The following ROBO2 variants were observed in gnomAD, a reference collection of about 807,000 sequenced individuals.
ROBO2 encodes the protein roundabout homolog 2.
Under a neutral mutation model 160.8 loss-of-function variants are expected in ROBO2, and 53 were observed. That is an observed-to-expected ratio of 0.33 (90% CI 0.26 to 0.41). ROBO2 has a LOEUF of 0.41. Ranked by LOEUF, ROBO2 falls within the 10% of genes least tolerant of loss-of-function variation. The probability of loss-of-function intolerance (pLI) is 1.00; values close to 1 mark genes in which losing one functional copy is unlikely to be tolerated. For synonymous variants in ROBO2, 664 were observed against 611.7 expected, an observed-to-expected ratio of 1.09 and a Z score of -1.26; for missense variants, 1,577 against 1,722.4, an observed-to-expected ratio of 0.92 and a Z score of 1.49.
chr3:77,271,074 G>A (rs1374013848), intron 2 of ROBO2, among the ~76,000 whole-genome samples: 6 of 151,738 alleles, frequency 4.0e-5, no homozygotes, highest in Admixed American at 1.3e-4. Context: ...TTATTCATGA[G>A]GATTTCCACA....
intron 2 of ROBO2, among the ~76,000 whole-genome samples, chr3:76,996,776 C>G (rs1329349791): frequency 6.6e-6 from 1 of 152,106 alleles, no homozygotes; most frequent in Non-Finnish European, 1.5e-5. Context: ...ACAAAGTAAA[C>G]TAGTCCTTCC....
intron 2 of ROBO2, among the ~76,000 whole-genome samples, chr3:76,899,663 GA>G (rs1297648619): frequency 6.6e-6 from 1 of 152,002 alleles, no homozygotes; most frequent in East Asian, 1.9e-4. Flanking sequence ...AATACCTCTT[GA>G]GTGTCTGACA....
At chr3:76,211,380 T>C (rs890854939) in intron 2 of ROBO2, among the ~76,000 whole-genome samples, 9 of 152,090 alleles carry the variant, frequency 5.9e-5, no homozygotes, top group Non-Finnish European at 1.0e-4. Context: ...CCTGGAATTT[T>C]AGAAAAAAGA....
In ROBO2 at chr3:76,397,573, C is replaced by T. The variant is rs569032084; in HGVS notation, c.109+459971C>T. Among the ~76,000 whole-genome samples the T allele has an allele frequency of 3.9e-3, 599 of 151,932 alleles. 4 individuals carry two copies. The highest frequency in any genetic ancestry group is 0.014 in the African/African-American group (570 of 41,440). On this transcript the variant is annotated intron_variant, in intron 2 of 26. Transcript: ENST00000487694. The stretch of plus-strand genomic sequence containing the variant: ...TGGGAGAAAATTTTCGCAACCTACT[C>T]ATCTGACAAAGGGCTAATATCCAGA...
chr3:76,536,617 T>C (rs2082519615), intron 2 of ROBO2, among the ~76,000 whole-genome samples: 1 of 152,074 alleles, frequency 6.6e-6, no homozygotes, highest in Non-Finnish European at 1.5e-5. Context: ...GCTATTCCCA[T>C]CGGGGATCCT....
At chr3:77,573,445 A>T (rs2093685552) in intron 13 of ROBO2, among the ~76,000 whole-genome samples, 1 of 152,172 alleles carries the variant, frequency 6.6e-6, no homozygotes, top group African/African-American at 2.4e-5. Flanking sequence ...TTAATCTTAG[A>T]TTATTATTTA....
chr3:76,523,777 A>C (rs569204167), intron 2 of ROBO2, among the ~76,000 whole-genome samples: 4 of 152,238 alleles, frequency 2.6e-5, no homozygotes, highest in Non-Finnish European at 5.9e-5. Context: ...AAACGCTGGC[A>C]ATGCTAAATA....
intron 2 of ROBO2, among the ~76,000 whole-genome samples, chr3:76,624,075 C>T (rs1199565538): frequency 2.6e-5 from 4 of 151,722 alleles, no homozygotes; most frequent in South Asian, 4.2e-4. Flanking sequence ...AAAAAAAAAG[C>T]GATTATGTTC....
intron 2 of ROBO2, among the ~76,000 whole-genome samples, chr3:75,988,514 C>A (rs1387464181): frequency 6.6e-6 from 1 of 152,022 alleles, no homozygotes; most frequent in African/African-American, 2.4e-5. Flanking sequence ...AAATTCTCTA[C>A]ATCTGCTGCC....
chr3:77,464,868 A>G (rs1365075309), intron 2 of ROBO2, among the ~76,000 whole-genome samples: 1 of 152,232 alleles, frequency 6.6e-6, no homozygotes, highest in Non-Finnish European at 1.5e-5. Context: ...CTAGCCCTCT[A>G]AAGCAAAGGT....
chr3:77,047,409 G>A (rs572389468), intron 1 of ROBO2, among the ~76,000 whole-genome samples: 3 of 152,254 alleles, frequency 2.0e-5, no homozygotes, highest in African/African-American at 7.2e-5. Context: ...TATAGGCAGG[G>A]CATGGTGGCT....
At chr3:77,646,016 A>C (rs947869984) in intron 25 of ROBO2, 38 bp from the exon 28 acceptor site, 1 of 1,497,500 alleles carries the variant, frequency 6.7e-7, no homozygotes, top group East Asian at 2.3e-5. Context: ...CAGAATGCTT[A>C]ATTTATATTT....
intron 2 of ROBO2, among the ~76,000 whole-genome samples, chr3:77,393,920 A>T (rs1380226449): frequency 6.6e-6 from 1 of 152,168 alleles, no homozygotes; most frequent in African/African-American, 2.4e-5. Flanking sequence ...ACTTAGAGTT[A>T]ATTGTAATAT....
chr3:76,274,477 G>T (rs2107646990), intron 2 of ROBO2, among the ~76,000 whole-genome samples: 1 of 152,168 alleles, frequency 6.6e-6, no homozygotes, highest in Admixed American at 6.6e-5. Flanking sequence ...TTATGAATCT[G>T]ATATATGATT....
intron 2 of ROBO2, among the ~76,000 whole-genome samples, chr3:76,929,265 GAAAGAAAGA>G (rs1415883173): frequency 2.6e-5 from 4 of 152,010 alleles, no homozygotes; most frequent in East Asian, 1.9e-4. Flanking sequence ...ATCTCAAAAA[GAAAGAAAGA>G]AAAGAAAGAA....
At chr3:77,051,256 T>A (rs1232617605) in intron 1 of ROBO2, among the ~76,000 whole-genome samples, 11 of 151,970 alleles carry the variant, frequency 7.2e-5, no homozygotes, top group African/African-American at 2.7e-4. Context: ...AATACTAAAG[T>A]GAAAGAAAAA....
chr3:77,567,889 A>G (rs1201046304), intron 12 of ROBO2, among the ~76,000 whole-genome samples: 1 of 152,040 alleles, frequency 6.6e-6, no homozygotes, highest in Admixed American at 6.6e-5. Flanking sequence ...CCTTAGCATC[A>G]GTTTTTAGAT....
At chr3:76,080,882 C>T (rs1310603190) in intron 2 of ROBO2, among the ~76,000 whole-genome samples, 1 of 152,048 alleles carries the variant, frequency 6.6e-6, no homozygotes, top group Non-Finnish European at 1.5e-5. Flanking sequence ...ATTTTTAATC[C>T]TTGATTTTGC....
At chr3:77,181,704 C>T (rs1179735784) in intron 2 of ROBO2, among the ~76,000 whole-genome samples, 1 of 151,968 alleles carries the variant, frequency 6.6e-6, no homozygotes, top group Non-Finnish European at 1.5e-5. Flanking sequence ...GAAAATGATG[C>T]TCAATATTCT....
Sources: gnomAD v4.1 joint callset for allele counts (sites outside exome capture counted in the v4.1 genomes callset) on GRCh38, gnomAD v4.1.1 for gene constraint, MANE v1.5 for transcripts, NCBI Gene and HGNC (gene_info 2026-07-23, HGNC 2026-07-21) for gene names.